Variants in PDIA4 observed in about 807,000 individuals in gnomAD.
The protein encoded by PDIA4 is protein disulfide isomerase family A member 4.
Under a neutral mutation model 62.1 loss-of-function variants are expected in PDIA4, and 33 were observed. That is an observed-to-expected ratio of 0.53 (90% CI 0.40 to 0.71). PDIA4 has a LOEUF of 0.71. Ranked by LOEUF, PDIA4 falls within the 30% of genes least tolerant of loss-of-function variation. The pLI, the probability that PDIA4 is intolerant of heterozygous loss-of-function variation, is 0.00. For synonymous variants in PDIA4, 341 were observed against 324.1 expected (o/e 1.05, Z -0.56); for missense variants, 804 against 813.6 (o/e 0.99, Z 0.14).
Position 149,019,172 on chromosome 7 carries a change from G to C in PDIA4, c.295C>G (p.Pro99Ala). ...PWCGHCKQFA[P>A]EYEKIANILK... ...ATGTTGGCAATTTTTTCATATTCCG[G>C]AGCAAACTGCTTGCAATGTCCACAC... is the stretch of plus-strand genomic sequence containing the variant. The change falls in exon 3 of 10, where the codon CCG becomes GCG. Residue 99 changes from proline (P) to alanine (A), a missense_variant. Pro to Ala is a conservative substitution (Grantham distance 27). Transcript: ENST00000652332. 9 of 1,613,598 alleles carry C rather than the reference G, an allele frequency of 5.6e-6. No individual in the cohort carries two copies. The highest frequency in any genetic ancestry group is 7.6e-6 in the Non-Finnish European group (9 of 1,179,652).
In PDIA4 at chr7:149,011,204, G is replaced by A. The variant is rs145418281; in HGVS notation, c.979+642C>T. 2.4e-3 allele frequency among the ~76,000 whole-genome samples: 372 copies of A among 152,290 alleles called. 1 individual carries two copies. Among genetic ancestry groups the A allele is most frequent in the Non-Finnish European group, 3.4e-3 (230 of 68,018 alleles). ...AGGGTAGCACTCAGAAGACATCAATGAGGATGGCCAGGACCCTGAGTACAC... is the reference window on the plus strand; with the variant it reads ...AGGGTAGCACTCAGAAGACATCAATAAGGATGGCCAGGACCCTGAGTACAC... On this transcript the variant is annotated intron_variant, in intron 6 of 9. Transcript: ENST00000652332.
intron 2 of PDIA4, 56 bp from the exon 3 acceptor site, chr7:149,019,253 T>A (rs1824258797): frequency 8.1e-7 from 1 of 1,240,338 alleles, no homozygotes; most frequent in African/African-American, 1.5e-5. Flanking sequence ...GGGATTTAAA[T>A]CCAACAATAA....
Position 149,024,793 on chromosome 7 carries a change from C to G in PDIA4, c.88+3528G>C, listed in dbSNP as rs533072571. Among the ~76,000 whole-genome samples the G allele has an allele frequency of 2.2e-3, 287 of 133,432 alleles. 1 individual carries two copies. The highest frequency in any genetic ancestry group is 8.1e-3 in the African/African-American group (267 of 33,042). The allele number at this position is 133,432 out of a possible 152,430, so 87.5% of individuals were successfully genotyped here. On this transcript the variant is annotated intron_variant, in intron 1 of 9. Transcript: ENST00000652332. ...ATCGCACCACTGCACTCCAGCCTGG[C>G]GACCGAGCAAGACTGTCATTTAAAA...
At chr7:149,025,964 C>T (rs1469545348) in intron 1 of PDIA4, among the ~76,000 whole-genome samples, 14 of 152,022 alleles carry the variant, frequency 9.2e-5, no homozygotes, top group Admixed American at 8.5e-4. Context: ...CACGGAAAGC[C>T]CTGCAACCGG....
At position 149,021,142 on chromosome 7, in the gene PDIA4, A is replaced by G; in HGVS notation, c.94T>C (p.Ser32Pro). 6.3e-7 allele frequency: 1 copy of G among 1,583,768 alleles called. No individual in the cohort carries two copies. The highest frequency in any genetic ancestry group is 8.6e-7 in the Non-Finnish European group (1 of 1,164,052). ...TCCTCAATGGCATTTTCTCTGTTAG[A>G]AGAATCTGAGTGGAAAACACCCAGA... ...AGAEGPDEDS[S>P]NRENAIEDEE... The change falls in exon 2 of 10, where the codon TCT becomes CCT. Residue 32 changes from serine (S) to proline (P), a missense_variant. Physicochemically the swap from Ser to Pro is moderately conservative, Grantham distance 74. Transcript: ENST00000652332.
intron 3 of PDIA4, 85 bp downstream of exon 3, chr7:149,018,907 C>T (rs943078649): frequency 2.3e-6 from 2 of 851,094 alleles, no homozygotes; most frequent in Non-Finnish European, 3.7e-6. Flanking sequence ...GTCCCTGGTA[C>T]CCTCAGCTTT....
chr7:149,017,924 T>C (rs1824199559), intron 3 of PDIA4, among the ~76,000 whole-genome samples: 1 of 152,234 alleles, frequency 6.6e-6, no homozygotes, highest in African/African-American at 2.4e-5. Context: ...CAGCCCTGCA[T>C]GCTTGTAAGA....
rs753751424 is a variant in PDIA4 at position 149,004,133 on chromosome 7, C to G, written c.1599G>C (p.Lys533Asn). The G allele has an allele frequency of 1.4e-5, 22 of 1,614,080 alleles. No homozygotes were observed. The highest frequency in any genetic ancestry group is 1.8e-5 in the Non-Finnish European group (21 of 1,180,044). ...NKGPVKVVVG[K>N]TFDSIVMDPK... ...GGTCCATCACAATGGAGTCAAAGGTCTTTCCCACCACGACCTTGACGGGTC... is the reference window on the plus strand; with the variant it reads ...GGTCCATCACAATGGAGTCAAAGGTGTTTCCCACCACGACCTTGACGGGTC... The change falls in exon 10 of 10, where the codon AAG becomes AAC. Residue 533 changes from lysine (K) to asparagine (N), a missense_variant. By Grantham distance (94) the Lys-to-Asn change is moderately conservative (BLOSUM62 0). Transcript: ENST00000652332.
chr7:149,014,593 C>T (rs1824065176), intron 4 of PDIA4, among the ~76,000 whole-genome samples: 2 of 152,148 alleles, frequency 1.3e-5, no homozygotes, highest in South Asian at 4.1e-4. Flanking sequence ...CCTCAGTTCC[C>T]CAAGCTGGGC....
At chr7:149,012,697 G>C (rs1396371737) in intron 4 of PDIA4, among the ~76,000 whole-genome samples, 1 of 152,208 alleles carries the variant, frequency 6.6e-6, no homozygotes, top group Non-Finnish European at 1.5e-5. Flanking sequence ...CTTGGTTGGA[G>C]AGTTGGGGGC....
chr7:149,005,567 G>A (rs1823725626), intron 8 of PDIA4, among the ~76,000 whole-genome samples, 193 bp from the exon 9 acceptor site: 1 of 152,212 alleles, frequency 6.6e-6, no homozygotes, highest in Admixed American at 6.5e-5. Context: ...AGCCCAACAG[G>A]CCCTTAAGAC....
chr7:149,008,117 T>G, intron 7 of PDIA4, 42 bp downstream of exon 7: 3 of 1,592,792 alleles, frequency 1.9e-6, no homozygotes, highest in Non-Finnish European at 2.6e-6. Context: ...TCCTCATGCC[T>G]GCGGGGTGTC....
chr7:149,012,181 T>C lies in PDIA4; in HGVS notation c.794A>G (p.Asp265Gly). 1 of 1,614,022 alleles carries C rather than the reference T, an allele frequency of 6.2e-7. No individual in the cohort carries two copies. Among genetic ancestry groups the C allele is most frequent in the Non-Finnish European group, 8.5e-7 (1 of 1,180,010 alleles). ...LKIFRKGRPYDYNGPREKYGI... is the reference protein window; with the variant it reads ...LKIFRKGRPYGYNGPREKYGI... ...ATATTTTTCTCGTGGGCCGTTGTAG[T>C]CATAAGGCCTTCCTTTGCGGAAAAT... Residue 265 changes from aspartate to glycine, a missense_variant, in exon 5 of 10, where the codon GAC becomes GGC. Coordinates refer to ENST00000652332, the MANE Select transcript of PDIA4 (RefSeq NM_004911.5).
intron 3 of PDIA4, among the ~76,000 whole-genome samples, chr7:149,016,116 G>A (rs1037992413): frequency 2.6e-5 from 4 of 152,192 alleles, no homozygotes; most frequent in African/African-American, 7.2e-5. Flanking sequence ...CCAACATGGT[G>A]AAACCCTGTC....
chr7:149,019,154 C>T lies in PDIA4; in HGVS notation c.313G>A (p.Ala105Thr). The change falls in exon 3 of 10, where the codon GCC becomes ACC. Residue 105 changes from alanine to threonine, a missense_variant. Ala to Thr is a moderately conservative substitution (Grantham distance 58). Transcript: ENST00000652332. The stretch of plus-strand genomic sequence containing the variant: ...GGATCTTTATCCTTTAATATGTTGG[C>T]AATTTTTTCATATTCCGGAGCAAAC... Reference protein sequence around the residue: ...KQFAPEYEKIANILKDKDPPI... With the variant: ...KQFAPEYEKITNILKDKDPPI... 1 of 1,613,938 alleles carries T rather than the reference C, an allele frequency of 6.2e-7. No homozygotes were observed. Among genetic ancestry groups the T allele is most frequent in the Non-Finnish European group, 8.5e-7 (1 of 1,179,944 alleles).
chr7:149,013,144 A>G (rs1824010023), intron 4 of PDIA4, among the ~76,000 whole-genome samples: 1 of 152,110 alleles, frequency 6.6e-6, no homozygotes, highest in African/African-American at 2.4e-5. Context: ...GCTACTCGGG[A>G]GGCTGAGACA....
At chr7:149,021,879 G>C (rs1242419500) in intron 1 of PDIA4, among the ~76,000 whole-genome samples, 1 of 151,972 alleles carries the variant, frequency 6.6e-6, no homozygotes, top group Admixed American at 6.6e-5. Flanking sequence ...CCTGTAGCTC[G>C]GGCTCCCCTA....
intron 6 of PDIA4, 93 bp from the exon 7 acceptor site, chr7:149,008,403 G>A (rs1363793586): frequency 7.4e-7 from 1 of 1,345,834 alleles, no homozygotes; most frequent in Non-Finnish European, 1.0e-6. Context: ...CAAATGTTCT[G>A]AAAATGACCA....
At chr7:149,027,244 G>A (rs545094486) in intron 1 of PDIA4, among the ~76,000 whole-genome samples, 1 of 152,304 alleles carries the variant, frequency 6.6e-6, no homozygotes, top group South Asian at 2.1e-4. Flanking sequence ...TTTGGGTAAA[G>A]GTCTCAAGAC....
Sources: gnomAD v4.1 joint callset for allele counts (sites outside exome capture counted in the v4.1 genomes callset) on GRCh38, gnomAD v4.1.1 for gene constraint, MANE v1.5 for transcripts, NCBI Gene and HGNC (gene_info 2026-07-23, HGNC 2026-07-21) for gene names.